Variants in DCDC2 observed in about 807,000 individuals in gnomAD.
DCDC2 encodes the protein doublecortin domain containing 2.
In DCDC2, 40 loss-of-function variants were observed where a neutral mutation model predicts 50.2. The ratio of observed to expected loss-of-function variants is 0.80; its 90% CI spans 0.62 to 1.04. The LOEUF (loss-of-function observed/expected upper bound fraction) is 1.04, where lower values mean the gene tolerates loss of function less well. DCDC2 is among the 50% of genes least tolerant of loss of function. DCDC2 has a pLI of 0.00. For synonymous variants in DCDC2, 234 were observed against 210.6 expected (o/e 1.11, Z -0.96); for missense variants, 570 against 581.9 (o/e 0.98, Z 0.21).
At chr6:24,282,495 G>A (rs1241983382) in intron 6 of DCDC2, among the ~76,000 whole-genome samples, 1 of 151,298 alleles carries the variant, frequency 6.6e-6, no homozygotes, top group East Asian at 1.9e-4. Flanking sequence ...CTCCCCACTT[G>A]GCATCCCAAA....
At chr6:24,323,559 T>C (rs1759807876) in intron 2 of DCDC2, among the ~76,000 whole-genome samples, 1 of 152,198 alleles carries the variant, frequency 6.6e-6, no homozygotes, top group South Asian at 2.1e-4. Context: ...GCAACTTTTT[T>C]CTAAAATCAT....
chr6:24,326,745 G>A lies in DCDC2; in HGVS notation c.349-24701C>T, dbSNP rs1435555722. Among the ~76,000 whole-genome samples the A allele has an allele frequency of 2.7e-5, 4 of 148,368 alleles. 1 individual carries two copies. The highest frequency in any genetic ancestry group is 4.9e-5 in the African/African-American group (2 of 41,080). On this transcript the variant is annotated intron_variant, in intron 2 of 9. Transcript: ENST00000378454. ...GTGGTGGTACATGCCTGTAGTCCCA[G>A]CTAGTCAGGTGGCTGAAGCAGAAGG... is the stretch of plus-strand genomic sequence containing the variant.
intron 8 of DCDC2, among the ~76,000 whole-genome samples, chr6:24,188,021 T>C (rs1308566226): frequency 1.3e-5 from 2 of 152,234 alleles, no homozygotes; most frequent in African/African-American, 4.8e-5. Flanking sequence ...TTTCCTAAGA[T>C]AAAGTACAGA....
At chr6:24,266,625 A>T (rs185725847) in intron 7 of DCDC2, among the ~76,000 whole-genome samples, 1 of 152,322 alleles carries the variant, frequency 6.6e-6, no homozygotes, top group African/African-American at 2.4e-5. Context: ...TTGAGACATC[A>T]TCTCAACCCA....
the DCDC2 span, among the ~76,000 whole-genome samples, chr6:24,363,343 C>T: frequency 1.3e-5 from 2 of 151,872 alleles, no homozygotes; most frequent in East Asian, 3.9e-4. Context: ...AAACAAAAAA[C>T]TAAAAAAATT....
In DCDC2 at chr6:24,299,474, A is replaced by C. The variant is rs530126565; in HGVS notation, c.557+2241T>G. ...ACCTGCAAATGTATTCCCTGAACCT[A>C]AAATAAACAAATGAAATTATAAAAA... On this transcript the variant is annotated intron_variant, in intron 4 of 9. Transcript: ENST00000378454. Among the ~76,000 whole-genome samples the C allele has an allele frequency of 3.9e-5, 6 of 152,348 alleles. No individual in the cohort carries two copies. The East Asian group carries it at 1.2e-3, about 29-fold the overall frequency.
At chr6:24,331,447 A>G (rs974046424) in intron 2 of DCDC2, among the ~76,000 whole-genome samples, 1 of 152,160 alleles carries the variant, frequency 6.6e-6, no homozygotes, top group South Asian at 2.1e-4. Context: ...ACAGGAATAG[A>G]TGATATGGAC....
intron 2 of DCDC2, among the ~76,000 whole-genome samples, chr6:24,316,634 T>C (rs1243179306): frequency 6.6e-6 from 1 of 152,170 alleles, no homozygotes; most frequent in Non-Finnish European, 1.5e-5. Context: ...TTTAAATTAA[T>C]ATGTTTTTTC....
chr6:24,277,511 TTTTTTA>T (rs143705197), intron 7 of DCDC2, among the ~76,000 whole-genome samples: 6 of 152,332 alleles, frequency 3.9e-5, no homozygotes, highest in Admixed American at 6.5e-5. Flanking sequence ...ACTAATGCAA[TTTTTTA>T]TTTTTATTTT....
chr6:24,292,961 C>T (rs1384175943), intron 4 of DCDC2, among the ~76,000 whole-genome samples: 1 of 152,184 alleles, frequency 6.6e-6, no homozygotes, highest in Admixed American at 6.5e-5. Flanking sequence ...TATCCAAGCA[C>T]TATTTTTCTA....
rs533564987 is a variant in DCDC2 at position 24,283,657 on chromosome 6, C to G, written c.759+5195G>C. On this transcript the variant is annotated intron_variant, in intron 6 of 9. Coordinates refer to ENST00000378454, the MANE Select transcript of DCDC2 (RefSeq NM_016356.5). ...CCCCACACAGTCCCCTTCACTCACA[C>G]CCCTCCTCGCAGTGCCAGGCAGCTA... is the stretch of plus-strand genomic sequence containing the variant. 5.3e-5 allele frequency among the ~76,000 whole-genome samples: 8 copies of G among 152,312 alleles called. No individual in the cohort carries two copies. The East Asian group carries it at 1.2e-3, about 22-fold the overall frequency.
rs149853896 is a variant in DCDC2, at chr6:24,278,920, G to A, written c.760-709C>T. Among the ~76,000 whole-genome samples the A allele has an allele frequency of 3.4e-3, 523 of 152,220 alleles. 14 individuals carry two copies. The highest frequency in any genetic ancestry group is 0.027 in the Admixed American group (411 of 15,290). ...CCACACACAGACTCAAGAGGCTCAC[G>A]ACCACATGTCCCCACTTGTTCCTGA... is the stretch of plus-strand genomic sequence containing the variant. On this transcript the variant is annotated intron_variant, in intron 6 of 9. Coordinates refer to ENST00000378454, the MANE Select transcript of DCDC2 (RefSeq NM_016356.5).
intron 2 of DCDC2, among the ~76,000 whole-genome samples, chr6:24,342,101 C>G (rs1215205356): frequency 6.6e-6 from 1 of 152,178 alleles, no homozygotes; most frequent in South Asian, 2.1e-4. Flanking sequence ...ATTACTGACT[C>G]CTTTGGGCTT....
At chr6:24,227,189 A>G (rs902663664) in intron 7 of DCDC2, among the ~76,000 whole-genome samples, 1 of 152,232 alleles carries the variant, frequency 6.6e-6, no homozygotes, top group Non-Finnish European at 1.5e-5. Flanking sequence ...GTACTGAGTT[A>G]ATTAGGCATT....
At chr6:24,316,853 T>A (rs183167414) in intron 2 of DCDC2, among the ~76,000 whole-genome samples, 1 of 151,976 alleles carries the variant, frequency 6.6e-6, no homozygotes, top group Non-Finnish European at 1.5e-5. Context: ...TATATTGCTA[T>A]CAAAAATGAT....
chr6:24,322,846 T>C (rs1212002287), intron 2 of DCDC2, among the ~76,000 whole-genome samples: 1 of 152,214 alleles, frequency 6.6e-6, no homozygotes, highest in Non-Finnish European at 1.5e-5. Flanking sequence ...AAAACCAAGC[T>C]GTACCCCGAC....
intron 7 of DCDC2, among the ~76,000 whole-genome samples, chr6:24,262,559 C>T (rs1763034308): frequency 6.6e-6 from 1 of 152,190 alleles, no homozygotes; most frequent in African/African-American, 2.4e-5. Flanking sequence ...CCACCCCTCC[C>T]CCAACCCCAA....
rs537898800 is a variant in DCDC2 at position 24,174,874 on chromosome 6, T to A, written c.1327-40A>T. 5.5e-5 allele frequency: 76 copies of A among 1,384,066 alleles called. 1 individual carries two copies. The South Asian group carries it at 9.6e-4, about 17-fold the overall frequency. 85.7% of individuals were successfully genotyped at this position (1,384,066 alleles called of 1,614,324 possible). A position where few individuals can be genotyped will look rare whatever the true frequency, so the allele number is the denominator to read the frequency against. On this transcript the variant is annotated intron_variant, in intron 9 of 9. Transcript: ENST00000378454. ...ATCAAAACAAAGGTATTCAGCTGTT[T>A]GGTTCACAAAGGTAATGACATTTAT...
chr6:24,324,377 G>A (rs1183325531), intron 2 of DCDC2, among the ~76,000 whole-genome samples: 6 of 152,194 alleles, frequency 3.9e-5, no homozygotes, highest in African/African-American at 1.2e-4. Flanking sequence ...AGTGAAACTG[G>A]TTTAAGAAAA....
Sources: gnomAD v4.1 joint callset for allele counts (sites outside exome capture counted in the v4.1 genomes callset) on GRCh38, gnomAD v4.1.1 for gene constraint, MANE v1.5 for transcripts, NCBI Gene and HGNC (gene_info 2026-07-23, HGNC 2026-07-21) for gene names.